The following ZNF765 variants were observed in gnomAD, a reference collection of about 807,000 sequenced individuals.
ZNF765 encodes the protein zinc finger protein 765.
Under a neutral mutation model 44.7 loss-of-function variants are expected in ZNF765, and 37 were observed. The ratio of observed to expected loss-of-function variants is 0.83; its 90% CI spans 0.64 to 1.09. ZNF765 has a LOEUF of 1.09. ZNF765 is among the 50% of genes least tolerant of loss of function. The pLI is 0.00. For synonymous variants in ZNF765, 201 were observed against 213.7 expected (o/e 0.94, Z 0.52); for missense variants, 594 against 626.1 (o/e 0.95, Z 0.55).
rs573730818 is a variant in ZNF765 at position 53,410,808 on chromosome 19, CAT to C, written c.*1683_*1684del. The C allele has an allele frequency of 2.0e-4, 92 of 464,088 alleles. No individual in the cohort carries two copies. Among genetic ancestry groups the C allele is most frequent in the African/African-American group, 9.0e-4 (45 of 50,012 alleles). 28.7% of individuals were successfully genotyped at this position (464,088 alleles called of 1,614,324 possible). ...CAGTCAAGCTTCATTCTATGCAAAA[CAT>C]AGGAGAATTCATACAGGAGAGAAAC... On this transcript the variant is annotated 3_prime_UTR_variant, in exon 4 of 4. Transcript: ENST00000396408.
chr19:53,422,308 T>C (rs2085912029), intron 3 of ZNF765, among the ~76,000 whole-genome samples: 1 of 152,230 alleles, frequency 6.6e-6, no homozygotes, highest in Admixed American at 6.5e-5. Flanking sequence ...GTCCCCATTC[T>C]ACCCCAAACA....
intron 3 of ZNF765, among the ~76,000 whole-genome samples, chr19:53,402,794 G>C (rs1335807127): frequency 6.6e-6 from 1 of 152,056 alleles, no homozygotes; most frequent in Non-Finnish European, 1.5e-5. Context: ...GATCTCCTGG[G>C]CTCCAGAGAT....
intron 2 of ZNF765, among the ~76,000 whole-genome samples, chr19:53,401,762 G>T (rs2085728339): frequency 6.6e-6 from 1 of 151,836 alleles, no homozygotes; most frequent in African/African-American, 2.4e-5. Context: ...TATAATTTCA[G>T]CTATTCAGGA....
rs1303406903 is a variant in ZNF765 at position 53,420,193 on chromosome 19, G to A, written c.143-2869G>A. ...CTAAAAATACAAAAATTAGCTTGGC[G>A]TGGTGGCGCATGCCTGTAATCCCAG... On this transcript the variant is annotated intron_variant, in intron 3 of 3. Coordinates refer to the ZNF765 transcript ENST00000594030. Among the ~76,000 whole-genome samples, 5 of 152,048 alleles carry A rather than the reference G, an allele frequency of 3.3e-5. No homozygotes were observed. In the South Asian group the frequency reaches 1.0e-3, roughly 32 times the overall value.
chr19:53,408,173 G>A lies in ZNF765; in HGVS notation c.618G>A (p.Gln206=). 6.2e-7 allele frequency: 1 copy of A among 1,614,042 alleles called. No individual in the cohort carries two copies. Among genetic ancestry groups the A allele is most frequent in the Non-Finnish European group, 8.5e-7 (1 of 1,179,940 alleles). ...FLNSSLFTQK[Q]EVHMREKSFQ... ...ATTCTTCATTATTCACACAAAAACA[G>A]GAAGTACATATGAGGGAAAAATCTT... The change falls in exon 4 of 4, where the codon CAG becomes CAA. Residue 206 remains glutamine, a synonymous_variant. Transcript: ENST00000396408.
chr19:53,402,291 C>G, intron 3 of ZNF765, 100 bp downstream of exon 3: 2 of 1,504,558 alleles, frequency 1.3e-6, no homozygotes, highest in Non-Finnish European at 8.8e-7. Flanking sequence ...GAGTCTCGCT[C>G]TGTCGCCCAG....
chr19:53,401,878 A>C, intron 2 of ZNF765, 187 bp from the exon 3 acceptor site: 1 of 176,858 alleles, frequency 5.7e-6, no homozygotes, highest in East Asian at 1.2e-4. Context: ...TCCACCTTTA[A>C]AAAAAAAAAA....
At chr19:53,401,367 T>TC (rs2085723870) in intron 2 of ZNF765, among the ~76,000 whole-genome samples, 1 of 149,664 alleles carries the variant, frequency 6.7e-6, no homozygotes, top group African/African-American at 2.5e-5. Context: ...ATCAAGACAA[T>TC]CCTGGCTAAC....
chr19:53,396,178 G>A (rs1022319932), intron 1 of ZNF765, among the ~76,000 whole-genome samples: 4 of 152,076 alleles, frequency 2.6e-5, no homozygotes, highest in Admixed American at 2.0e-4. Flanking sequence ...GGTGCTGGTG[G>A]CAAGGAGAAC....
At chr19:53,416,390 A>C (rs1392518877), downstream of ZNF765, among the ~76,000 whole-genome samples, 2 of 152,158 alleles carry the variant, frequency 1.3e-5, no homozygotes, top group African/African-American at 4.8e-5. Flanking sequence ...TGGCCGACAG[A>C]GCGAAACTCA....
chr19:53,415,142 T>C (rs1385540463), downstream of ZNF765, among the ~76,000 whole-genome samples: 1 of 152,042 alleles, frequency 6.6e-6, no homozygotes, highest in Non-Finnish European at 1.5e-5. Context: ...TGGTGGCACA[T>C]GCCTGTAATC....
intron 3 of ZNF765, among the ~76,000 whole-genome samples, chr19:53,419,908 AGTT>A (rs1466350243): frequency 6.6e-6 from 1 of 151,920 alleles, no homozygotes; most frequent in East Asian, 1.9e-4. Context: ...AATCCCAGCT[AGTT>A]GAGAGGATGA....
Position 53,419,322 on chromosome 19 carries a change from G to A in ZNF765, c.143-3740G>A, listed in dbSNP as rs1442959227. On this transcript the variant is annotated intron_variant, in intron 3 of 3. Coordinates refer to the ZNF765 transcript ENST00000594030. ...AAATCTACAAGAATTACCTAATTCT[G>A]TGCAGAATCCACACCCTCAAGTGGC... is the stretch of plus-strand genomic sequence containing the variant. Among the ~76,000 whole-genome samples, 3 of 152,134 alleles carry A rather than the reference G, an allele frequency of 2.0e-5. No homozygotes were observed. The East Asian group carries it at 5.8e-4, about 29-fold the overall frequency.
In ZNF765 at chr19:53,408,527, G is replaced by A; in HGVS notation, c.972G>A (p.Glu324=). 6.2e-7 allele frequency: 1 copy of A among 1,612,190 alleles called. No homozygotes were observed. Among genetic ancestry groups the A allele is most frequent in the Non-Finnish European group, 8.5e-7 (1 of 1,179,072 alleles). ...LQIHRRIHTG[E]KPYKCNECGK... ...TACATAGGAGAATTCATACTGGAGAGAAACCGTACAAGTGTAATGAGTGTG... is the reference window on the plus strand; with the variant it reads ...TACATAGGAGAATTCATACTGGAGAAAAACCGTACAAGTGTAATGAGTGTG... Residue 324 remains glutamate (E), a synonymous_variant, in exon 4 of 4, where the codon GAG becomes GAA. Coordinates refer to ENST00000396408, the MANE Select transcript of ZNF765 (RefSeq NM_001040185.3).
At chr19:53,405,904 T>TAC (rs1568778912) in intron 3 of ZNF765, among the ~76,000 whole-genome samples, 1 of 7,118 alleles carries the variant, frequency 1.4e-4, no homozygotes, top group African/African-American at 6.9e-4. Context: ...TAATACCAAC[T>TAC]ATATATATAT....
chr19:53,398,425 A>G (rs567108448), intron 2 of ZNF765, among the ~76,000 whole-genome samples: 1 of 152,286 alleles, frequency 6.6e-6, no homozygotes, highest in East Asian at 1.9e-4. Context: ...TATGTGGTAA[A>G]TTCTAGAAAA....
intron 2 of ZNF765, among the ~76,000 whole-genome samples, chr19:53,398,451 G>A (rs1269287579): frequency 2.0e-5 from 3 of 152,286 alleles, no homozygotes; most frequent in Admixed American, 1.3e-4. Context: ...CCAATATGGA[G>A]CAATTTTTTC....
chr19:53,425,216 C>A (rs2085931783), exon 4 of ZNF765: 2 of 152,196 alleles, frequency 1.3e-5, no homozygotes, highest in Non-Finnish European at 2.9e-5. Context: ...TCCTTCTGTA[C>A]CTCCTGATCC....
chr19:53,396,710 GTTC>G (rs1481398535), intron 1 of ZNF765, among the ~76,000 whole-genome samples: 4 of 152,114 alleles, frequency 2.6e-5, no homozygotes, highest in Admixed American at 1.3e-4. Context: ...AGGAAAACTT[GTTC>G]TTCTTTTCTT....
Sources: gnomAD v4.1 joint callset for allele counts (sites outside exome capture counted in the v4.1 genomes callset) on GRCh38, gnomAD v4.1.1 for gene constraint, MANE v1.5 for transcripts, NCBI Gene and HGNC (gene_info 2026-07-23, HGNC 2026-07-21) for gene names.